The following MEF2C variants were observed in gnomAD, a reference collection of about 807,000 sequenced individuals.
The protein encoded by MEF2C is myocyte enhancer factor 2C.
A neutral mutation model predicts 50.5 loss-of-function variants in MEF2C; 6 were observed. The observed-to-expected ratio is 0.12, with a 90% CI of 0.07 to 0.23. MEF2C has a LOEUF of 0.23. Ranked by LOEUF, MEF2C falls within the 10% of genes least tolerant of loss-of-function variation. The probability of loss-of-function intolerance (pLI) is 1.00; values close to 1 mark genes in which losing one functional copy is unlikely to be tolerated. For synonymous variants in MEF2C, 183 were observed against 228.0 expected (o/e 0.80, Z 1.78); for missense variants, 276 against 605.0 (o/e 0.46, Z 5.70).
chr5:88,875,984 AAG>A (rs1276644139), intron 1 of MEF2C, among the ~76,000 whole-genome samples: 1 of 151,956 alleles, frequency 6.6e-6, no homozygotes, highest in East Asian at 1.9e-4. Context: ...AAAGAATTAA[AAG>A]AGTTTATTTT....
intron 1 of MEF2C, among the ~76,000 whole-genome samples, chr5:88,831,384 A>T (rs550111074): frequency 6.6e-6 from 1 of 151,854 alleles, no homozygotes; most frequent in South Asian, 2.1e-4. Flanking sequence ...GGACGTTCTC[A>T]GTAAAAGCTT....
chr5:88,799,458 A>G (rs963338223), intron 3 of MEF2C, among the ~76,000 whole-genome samples: 10 of 152,204 alleles, frequency 6.6e-5, no homozygotes, highest in African/African-American at 2.2e-4. Context: ...AAGTAGACAT[A>G]TTTTCACATT....
chr5:88,739,727 T>C, intron 6 of MEF2C: 2 of 984,998 alleles, frequency 2.0e-6, no homozygotes, highest in Non-Finnish European at 2.4e-6. Context: ...CAGTTTTGTT[T>C]TTATTTTTAT....
At chr5:88,745,305 G>C (rs1263038944) in intron 6 of MEF2C, among the ~76,000 whole-genome samples, 1 of 152,238 alleles carries the variant, frequency 6.6e-6, no homozygotes, top group East Asian at 1.9e-4. Flanking sequence ...TGTAATGTTG[G>C]TACAGGCTAC....
intron 10 of MEF2C, among the ~76,000 whole-genome samples, chr5:88,725,460 T>A (rs1192070689): frequency 6.6e-6 from 1 of 152,148 alleles, no homozygotes; most frequent in Non-Finnish European, 1.5e-5. Flanking sequence ...ACTGCATATA[T>A]GCTAGGTTCA....
chr5:88,751,793 T>G, intron 5 of MEF2C, 64 bp downstream of exon 5: 1 of 1,531,418 alleles, frequency 6.5e-7, no homozygotes. Flanking sequence ...TAAAGCAGTG[T>G]TGGCTTTGCC....
At chr5:88,809,581 C>A (rs939487409) in intron 2 of MEF2C, among the ~76,000 whole-genome samples, 11 of 151,962 alleles carry the variant, frequency 7.2e-5, no homozygotes, top group Admixed American at 4.6e-4. Flanking sequence ...ATGACTTGGC[C>A]AACAGAGTTA....
chr5:88,867,221 T>TAAAA (rs1347990006), intron 1 of MEF2C, among the ~76,000 whole-genome samples: 3 of 152,180 alleles, frequency 2.0e-5, no homozygotes, highest in Non-Finnish European at 4.4e-5. Flanking sequence ...CAAACTTAGT[T>TAAAA]ATATTGTCAT....
intron 3 of MEF2C, among the ~76,000 whole-genome samples, chr5:88,802,731 G>C (rs1251212448): frequency 6.6e-6 from 1 of 152,158 alleles, no homozygotes. Flanking sequence ...TTATAGGTGT[G>C]AGCCACCACA....
chr5:88,820,900 T>G (rs996062876), intron 2 of MEF2C, among the ~76,000 whole-genome samples: 3 of 152,004 alleles, frequency 2.0e-5, no homozygotes, highest in African/African-American at 4.8e-5. Flanking sequence ...AGCATTTATA[T>G]GTAAGATGTT....
chr5:88,762,369 C>CT (rs1301647732), intron 3 of MEF2C, among the ~76,000 whole-genome samples: 10 of 152,284 alleles, frequency 6.6e-5, no homozygotes, highest in African/African-American at 2.2e-4. Flanking sequence ...CCTCTGCCTT[C>CT]TGGGTTCAAG....
chr5:88,724,892 TA>T (rs1437035366), intron 10 of MEF2C, among the ~76,000 whole-genome samples: 2 of 152,234 alleles, frequency 1.3e-5, no homozygotes, highest in East Asian at 1.9e-4. Flanking sequence ...CACAACTATT[TA>T]ATAATGAATA....
At chr5:88,822,183 T>C (rs1324389392) in intron 2 of MEF2C, among the ~76,000 whole-genome samples, 1 of 151,968 alleles carries the variant, frequency 6.6e-6, no homozygotes, top group Non-Finnish European at 1.5e-5. Flanking sequence ...ATAATGAATA[T>C]CATAAACCTA....
At chr5:88,744,204 C>CA (rs35539693) in intron 6 of MEF2C, 708,509 of 921,542 alleles carry the variant, frequency 0.77, 274,715 homozygotes, top group East Asian at 0.92. Flanking sequence ...CTAATGACTA[C>CA]AAACAACCGA....
chr5:88,734,778 T>C, intron 6 of MEF2C: 1 of 981,560 alleles, frequency 1.0e-6, no homozygotes, highest in Non-Finnish European at 1.2e-6. Context: ...TCTATTTTTC[T>C]CTTGGAATAT....
intron 6 of MEF2C, chr5:88,740,369 T>G: frequency 1.0e-6 from 1 of 985,194 alleles, no homozygotes; most frequent in Non-Finnish European, 1.2e-6. Context: ...TTTTACTTAT[T>G]ACTAAGTTGT....
chr5:88,815,587 T>G (rs551465513), intron 2 of MEF2C, among the ~76,000 whole-genome samples: 1 of 152,260 alleles, frequency 6.6e-6, no homozygotes, highest in Admixed American at 6.5e-5. Flanking sequence ...TTTAATTTTT[T>G]TCCTTAATGA....
intron 3 of MEF2C, chr5:88,768,714 T>C: frequency 1.0e-6 from 1 of 985,006 alleles, no homozygotes; most frequent in Non-Finnish European, 1.2e-6. Context: ...GGGAGGAAGA[T>C]TAGTCTCAGT....
chr5:88,723,289 C>G (rs187685788), intron 10 of MEF2C, among the ~76,000 whole-genome samples: 136 of 152,306 alleles, frequency 8.9e-4, no homozygotes, highest in African/African-American at 3.2e-3. Flanking sequence ...AATTAAATTT[C>G]TAAGCATTTA....
Sources: gnomAD v4.1 joint callset for allele counts (sites outside exome capture counted in the v4.1 genomes callset) on GRCh38, gnomAD v4.1.1 for gene constraint, MANE v1.5 for transcripts, NCBI Gene and HGNC (gene_info 2026-07-23, HGNC 2026-07-21) for gene names.